PTPRG: variants seen among roughly 807,000 people sequenced by gnomAD.
PTPRG encodes the protein receptor-type tyrosine-protein phosphatase gamma.
PTPRG carries 102 observed loss-of-function variants against 165.3 expected under a neutral mutation model. That is an observed-to-expected ratio of 0.62 (90% confidence interval 0.53 to 0.73). PTPRG has a LOEUF of 0.73. PTPRG is among the 30% of genes least tolerant of loss of function. The pLI is 0.00. For missense variants in PTPRG, 1,866 were observed against 1,861.4 expected (o/e 1.00, Z -0.05); for synonymous variants, 675 against 669.5 (o/e 1.01, Z -0.13).
At chr3:61,769,080 G>T (rs981123524) in intron 2 of PTPRG, among the ~76,000 whole-genome samples, 1 of 152,212 alleles carries the variant, frequency 6.6e-6, no homozygotes, top group African/African-American at 2.4e-5. Flanking sequence ...ATGCCATTTA[G>T]TTTAATGTGA....
intron 2 of PTPRG, among the ~76,000 whole-genome samples, chr3:61,951,710 T>G (rs1380158287): frequency 6.6e-6 from 1 of 152,218 alleles, no homozygotes; most frequent in Non-Finnish European, 1.5e-5. Flanking sequence ...ACAATTGACT[T>G]CTACTGTTTT....
chr3:62,043,505 G>T (rs1215635175), intron 4 of PTPRG, among the ~76,000 whole-genome samples: 1 of 152,138 alleles, frequency 6.6e-6, no homozygotes, highest in African/African-American at 2.4e-5. Flanking sequence ...TCTCATAAGA[G>T]AATAAACAAA....
At chr3:62,216,552 C>T (rs996264583) in intron 12 of PTPRG, among the ~76,000 whole-genome samples, 4 of 152,014 alleles carry the variant, frequency 2.6e-5, no homozygotes, top group African/African-American at 9.7e-5. Context: ...CCCCCTCCCC[C>T]ACCAGCCAGA....
rs920528494 is a variant in PTPRG, at chr3:62,195,906, GC to G, written c.1327+738del. Reference sequence around the variant, plus strand: ...CCTCCTGGGTTCAAGTGATGCCTCAGCCTCCTGAGTAGCTGGGATTACAGGC... The same window carrying G: ...CCTCCTGGGTTCAAGTGATGCCTCAGCTCCTGAGTAGCTGGGATTACAGGC... On this transcript the variant is annotated intron_variant, in intron 10 of 29. Transcript: ENST00000474889. This position sits in a 1 kb window ranked among gnomAD's most constrained non-coding sequence, Gnocchi z 4.4. 3.3e-5 allele frequency among the ~76,000 whole-genome samples: 5 copies of G among 151,998 alleles called. No homozygotes were observed. The highest frequency in any genetic ancestry group is 1.2e-4 in the African/African-American group (5 of 41,406).
At chr3:61,815,627 A>G (rs2035737789) in intron 2 of PTPRG, among the ~76,000 whole-genome samples, 1 of 152,216 alleles carries the variant, frequency 6.6e-6, no homozygotes, top group Non-Finnish European at 1.5e-5. Flanking sequence ...TTTACTGTGC[A>G]AAAGTAGTTT....
intron 11 of PTPRG, among the ~76,000 whole-genome samples, chr3:62,202,034 T>A (rs1234772013): frequency 6.6e-6 from 1 of 152,198 alleles, no homozygotes. Context: ...TTCACTATGC[T>A]CTTCCTGGGT....
intron 1 of PTPRG, among the ~76,000 whole-genome samples, chr3:61,594,719 C>T (rs1325728634): frequency 6.6e-6 from 1 of 152,162 alleles, no homozygotes; most frequent in African/African-American, 2.4e-5. Context: ...GTGCCAGTGG[C>T]GCCGACATCC....
intron 9 of PTPRG, among the ~76,000 whole-genome samples, chr3:62,193,184 T>A (rs1229083553): frequency 6.6e-6 from 1 of 152,210 alleles, no homozygotes; most frequent in Non-Finnish European, 1.5e-5. Flanking sequence ...GCAGAAACCA[T>A]CTAGGCGCTT....
chr3:61,702,570 A>T (rs188490351), intron 1 of PTPRG, among the ~76,000 whole-genome samples: 5 of 152,368 alleles, frequency 3.3e-5, no homozygotes, highest in Non-Finnish European at 5.9e-5. Context: ...AATCTGAAGT[A>T]TGTGGCTCAG....
At chr3:61,858,343 A>G (rs2037171526) in intron 2 of PTPRG, among the ~76,000 whole-genome samples, 1 of 152,226 alleles carries the variant, frequency 6.6e-6, no homozygotes, top group African/African-American at 2.4e-5. Flanking sequence ...TATTAACAGT[A>G]TTCCCAACTT....
intron 2 of PTPRG, among the ~76,000 whole-genome samples, chr3:61,929,352 T>A (rs543587587): frequency 1.3e-4 from 19 of 150,342 alleles, no homozygotes; most frequent in East Asian, 4.1e-4. Flanking sequence ...AAAAAAAAAA[T>A]ACTTTTGCTT....
At chr3:62,289,355 G>T (rs2148900918) in intron 28 of PTPRG, among the ~76,000 whole-genome samples, 1 of 152,144 alleles carries the variant, frequency 6.6e-6, no homozygotes, top group South Asian at 2.1e-4. Flanking sequence ...CACCTGTTAG[G>T]GCCCACAAGT....
chr3:61,748,793 G>C, intron 1 of PTPRG, 85 bp from the exon 2 acceptor site: 1 of 1,046,674 alleles, frequency 9.6e-7, no homozygotes, highest in Non-Finnish European at 1.5e-6. Flanking sequence ...ATTCTACGAA[G>C]TCACCCAATG....
intron 2 of PTPRG, among the ~76,000 whole-genome samples, chr3:61,832,486 T>C (rs951708176): frequency 6.6e-6 from 1 of 152,150 alleles, no homozygotes; most frequent in African/African-American, 2.4e-5. Flanking sequence ...GACCTGGACT[T>C]GAACCCAGGC....
intron 2 of PTPRG, among the ~76,000 whole-genome samples, chr3:61,988,660 T>A (rs566221346): frequency 6.6e-6 from 1 of 152,330 alleles, no homozygotes; most frequent in Admixed American, 6.5e-5. Flanking sequence ...CTAAAAATTG[T>A]GAAGTTTTTT....
intron 2 of PTPRG, among the ~76,000 whole-genome samples, chr3:61,981,617 T>A (rs898964661): frequency 2.0e-5 from 3 of 152,264 alleles, no homozygotes; most frequent in Middle Eastern, 3.4e-3. Context: ...CCTTATCACA[T>A]CCTTGTGGTT....
At position 62,237,270 on chromosome 3, in the gene PTPRG, G is replaced by A. The variant is rs1037170366; in HGVS notation, c.2375+5959G>A. On this transcript the variant is annotated intron_variant, in intron 14 of 29. Coordinates refer to ENST00000474889, the MANE Select transcript of PTPRG (RefSeq NM_002841.4). The surrounding 1 kb of genome is among the most constrained non-coding windows in gnomAD (Gnocchi z 4.5). ...TCCTTAAGAATTCCTGGGTGGAAAT[G>A]GGGGGTCAGAAGTCTAGAGGTTTTT... is the stretch of plus-strand genomic sequence containing the variant. 2.6e-5 allele frequency among the ~76,000 whole-genome samples: 4 copies of A among 152,100 alleles called. No homozygotes were observed. Among genetic ancestry groups the A allele is most frequent in the Non-Finnish European group, 5.9e-5 (4 of 68,012 alleles).
chr3:61,998,630 A>G (rs551352012), intron 3 of PTPRG, among the ~76,000 whole-genome samples: 3 of 152,216 alleles, frequency 2.0e-5, no homozygotes, highest in Non-Finnish European at 1.5e-5. Flanking sequence ...TACTTCTTGT[A>G]TCAAGAAGGT....
At chr3:62,259,679 A>G (rs1437845688) in intron 16 of PTPRG, among the ~76,000 whole-genome samples, 1 of 152,216 alleles carries the variant, frequency 6.6e-6, no homozygotes, top group Admixed American at 6.5e-5. Context: ...TTCATGAAAA[A>G]TAATTCTTAT....
Sources: gnomAD v4.1 joint callset for allele counts (sites outside exome capture counted in the v4.1 genomes callset) on GRCh38, gnomAD v4.1.1 for gene constraint, Gnocchi (gnomAD v3.1) non-coding constraint, MANE v1.5 for transcripts, NCBI Gene and HGNC (gene_info 2026-07-23, HGNC 2026-07-21) for gene names.